The following NCKAP5 variants were observed in gnomAD, a reference collection of about 807,000 sequenced individuals.
NCKAP5 encodes the protein nck-associated protein 5.
In NCKAP5, 92 loss-of-function variants were observed where a neutral mutation model predicts 167.0. The ratio of observed to expected loss-of-function variants is 0.55; its 90% CI spans 0.47 to 0.66. The LOEUF (loss-of-function observed/expected upper bound fraction) is 0.66, where lower values mean the gene tolerates loss of function less well. NCKAP5 is among the 30% of genes least tolerant of loss of function. The pLI, the probability that NCKAP5 is intolerant of heterozygous loss-of-function variation, is 0.00. For missense variants in NCKAP5, 2,378 were observed against 2,315.0 expected (o/e 1.03, Z -0.56); for synonymous variants, 891 against 877.4 (o/e 1.02, Z -0.27).
At chr2:133,190,874 G>C (rs1049114112) in intron 5 of NCKAP5, among the ~76,000 whole-genome samples, 12 of 152,120 alleles carry the variant, frequency 7.9e-5, no homozygotes, top group African/African-American at 2.9e-4. Flanking sequence ...AGGACTTCAT[G>C]ACTAAAAAAC....
the NCKAP5 span, among the ~76,000 whole-genome samples, chr2:133,579,933 T>G: frequency 6.6e-6 from 1 of 152,214 alleles, no homozygotes; most frequent in Admixed American, 6.5e-5. Flanking sequence ...ATAGGATTCA[T>G]AAAGAATACA....
At chr2:133,247,589 T>C (rs2088063926) in intron 4 of NCKAP5, among the ~76,000 whole-genome samples, 1 of 152,178 alleles carries the variant, frequency 6.6e-6, no homozygotes, top group African/African-American at 2.4e-5. Flanking sequence ...ACAAAGTATT[T>C]ATTGTGGGAC....
At position 133,522,105 on chromosome 2, in the gene NCKAP5, G is replaced by T. The variant is rs114244299; in HGVS notation, c.-61-4518C>A. Among the ~76,000 whole-genome samples, 359 of 152,284 alleles carry T rather than the reference G, an allele frequency of 2.4e-3. 1 individual carries two copies. Among genetic ancestry groups the T allele is most frequent in the African/African-American group, 7.5e-3 (312 of 41,542 alleles). The stretch of plus-strand genomic sequence containing the variant: ...TAATGTTGAATTCTGCTAATGGGAG[G>T]CAGTGAGAGGAGATTAGAAGGCAAT... On this transcript the variant is annotated intron_variant, in intron 2 of 19. Coordinates refer to ENST00000409261, the MANE Select transcript of NCKAP5 (RefSeq NM_207363.3).
the NCKAP5 span, among the ~76,000 whole-genome samples, chr2:133,610,586 GC>G: frequency 6.6e-6 from 1 of 152,040 alleles, no homozygotes; most frequent in Non-Finnish European, 1.5e-5. Flanking sequence ...AATGTTCCAG[GC>G]AATCCCAATA....
At chr2:133,003,719 T>C (rs2077864544) in intron 6 of NCKAP5, among the ~76,000 whole-genome samples, 2 of 152,194 alleles carry the variant, frequency 1.3e-5, no homozygotes, top group Admixed American at 1.3e-4. Context: ...TCAGCACAAA[T>C]TTTGCAAGAA....
At chr2:133,131,538 AG>A (rs1213715736) in intron 5 of NCKAP5, among the ~76,000 whole-genome samples, 1 of 152,222 alleles carries the variant, frequency 6.6e-6, no homozygotes, top group Non-Finnish European at 1.5e-5. Context: ...CCTAATATGC[AG>A]TAGTGCTGGA....
intron 5 of NCKAP5, among the ~76,000 whole-genome samples, chr2:133,161,653 G>T (rs2083798409): frequency 6.6e-6 from 1 of 152,080 alleles, no homozygotes; most frequent in Non-Finnish European, 1.5e-5. Context: ...CAACCCTTAG[G>T]TGGTCATGCT....
At chr2:132,897,378 C>G (rs1693287035) in intron 8 of NCKAP5, among the ~76,000 whole-genome samples, 1 of 152,206 alleles carries the variant, frequency 6.6e-6, no homozygotes, top group Non-Finnish European at 1.5e-5. Context: ...AAAACAGTGT[C>G]TTGTTGATCT....
At chr2:132,843,443 A>G (rs1171971184) in intron 11 of NCKAP5, among the ~76,000 whole-genome samples, 2 of 151,924 alleles carry the variant, frequency 1.3e-5, no homozygotes, top group Non-Finnish European at 2.9e-5. Context: ...TTATTACCCA[A>G]TGTCCCTCTT....
rs75356294 is a variant in NCKAP5 at position 133,311,828 on chromosome 2, G to A, written c.70-8718C>T. On this transcript the variant is annotated intron_variant, in intron 3 of 19. Transcript: ENST00000409261. The stretch of plus-strand genomic sequence containing the variant: ...CAAGGGTTTTAGGAGTTCTGTGCCA[G>A]AAACTGGGAAGCAGAGACCGAATAT... Among the ~76,000 whole-genome samples the A allele has an allele frequency of 7.6e-3, 1,159 of 152,306 alleles. 15 individuals are homozygous for A. Among genetic ancestry groups the A allele is most frequent in the African/African-American group, 0.026 (1,099 of 41,552 alleles).
intron 6 of NCKAP5, among the ~76,000 whole-genome samples, chr2:132,997,804 GAA>G (rs200708394): frequency 6.7e-6 from 1 of 148,312 alleles, no homozygotes; most frequent in African/African-American, 2.5e-5. Context: ...AAGCTTATGT[GAA>G]AAAAAAAAAT....
chr2:133,597,141 T>TC, the NCKAP5 span, among the ~76,000 whole-genome samples: 3 of 152,214 alleles, frequency 2.0e-5, no homozygotes. Flanking sequence ...TCTGTGATGA[T>TC]CTGTGGAGCG....
chr2:132,971,800 G>A (rs970722026), intron 7 of NCKAP5, among the ~76,000 whole-genome samples: 1 of 152,152 alleles, frequency 6.6e-6, no homozygotes, highest in African/African-American at 2.4e-5. Flanking sequence ...GACAGGGGCT[G>A]GGGGAGGAGA....
At chr2:133,365,246 T>C (rs557353855) in intron 3 of NCKAP5, among the ~76,000 whole-genome samples, 2 of 152,304 alleles carry the variant, frequency 1.3e-5, no homozygotes, top group East Asian at 1.9e-4. Flanking sequence ...AAATAAGCAC[T>C]GGTTAGCAGA....
the NCKAP5 span, among the ~76,000 whole-genome samples, chr2:133,609,063 A>G: frequency 1.3e-5 from 2 of 152,340 alleles, no homozygotes; most frequent in East Asian, 3.9e-4. Flanking sequence ...CCTTAAGGAT[A>G]CTTTCCTTTA....
chr2:133,521,918 GT>G (rs1460355584), intron 2 of NCKAP5, among the ~76,000 whole-genome samples: 1 of 152,166 alleles, frequency 6.6e-6, no homozygotes, highest in Admixed American at 6.5e-5. Context: ...CCTCCGAGTA[GT>G]GGGGCTTATG....
At chr2:133,259,945 G>A (rs1317788378) in intron 4 of NCKAP5, among the ~76,000 whole-genome samples, 1 of 152,084 alleles carries the variant, frequency 6.6e-6, no homozygotes, top group Non-Finnish European at 1.5e-5. Flanking sequence ...AATGTCTTGG[G>A]GAAAATTGGG....
Position 132,781,110 on chromosome 2 carries a change from C to T in NCKAP5, c.4991G>A (p.Gly1664Glu), listed in dbSNP as rs374466120. 14 of 1,613,702 alleles carry T rather than the reference C, an allele frequency of 8.7e-6. No individual in the cohort carries two copies. In the African/African-American group the frequency reaches 1.7e-4, roughly 20 times the overall value. The change falls in exon 15 of 20, where the codon GGA (glycine) becomes GAA (glutamate). Residue 1664 changes from glycine to glutamate, a missense_variant. Coordinates refer to ENST00000409261, the MANE Select transcript of NCKAP5 (RefSeq NM_207363.3). ...CLIGSSISTQ[G>E]NHKKNMKIKA... ...GATTTTCATGTTTTTCTTGTGGTTTCCTTGAGTACTGATAGAGCTGCCGAT... is the reference window on the plus strand; with the variant it reads ...GATTTTCATGTTTTTCTTGTGGTTTTCTTGAGTACTGATAGAGCTGCCGAT...
At chr2:132,936,889 G>A (rs185261540) in intron 8 of NCKAP5, among the ~76,000 whole-genome samples, 201 of 152,290 alleles carry the variant, frequency 1.3e-3, no homozygotes, top group African/African-American at 4.4e-3. Context: ...GAGGGTTTGT[G>A]TGAAAATGAT....
Sources: gnomAD v4.1 joint callset for allele counts (sites outside exome capture counted in the v4.1 genomes callset) on GRCh38, gnomAD v4.1.1 for gene constraint, MANE v1.5 for transcripts, NCBI Gene and HGNC (gene_info 2026-07-23, HGNC 2026-07-21) for gene names.